The following PRSS55 variants were observed in gnomAD, a reference collection of about 807,000 sequenced individuals.
PRSS55 encodes the protein probable serine protease UNQ9391/PRO34284.
A neutral mutation model predicts 23.6 loss-of-function variants in PRSS55; 41 were observed. The observed-to-expected ratio is 1.74, with a 90% CI of 1.35 to 2.26. The LOEUF (loss-of-function observed/expected upper bound fraction) is 2.26, where lower values mean the gene tolerates loss of function less well. Ranked by LOEUF, PRSS55 falls within the 30% of genes most tolerant of loss-of-function variation. The pLI is 0.00. For synonymous variants in PRSS55, 262 were observed against 175.5 expected (o/e 1.49, Z -3.90); for missense variants, 669 against 439.1 (o/e 1.52, Z -4.68).
Position 10,538,622 on chromosome 8 carries a change from G to C in PRSS55, c.888G>C (p.Glu296Asp). ...TSLVNYNLWI[E>D]KVTQLEGRPF... ...TGGTGAACTACAACCTCTGGATCGA[G>C]AAAGTGACCCAGCTAGAGGGCAGGC... Residue 296 changes from glutamate (E) to aspartate (D), a missense_variant, in exon 5 of 5, where the codon GAG becomes GAC. Glu to Asp is a conservative substitution (Grantham distance 45). Transcript: ENST00000328655. The C allele has an allele frequency of 6.2e-7, 1 of 1,614,150 alleles. No individual in the cohort carries two copies. The highest frequency in any genetic ancestry group is 8.5e-7 in the Non-Finnish European group (1 of 1,180,022).
downstream of PRSS55, among the ~76,000 whole-genome samples, chr8:10,543,780 T>C (rs1812738789): frequency 6.6e-6 from 1 of 151,816 alleles, no homozygotes; most frequent in African/African-American, 2.4e-5. Flanking sequence ...CCATGTAAGC[T>C]CTTTTTACTC....
chr8:10,532,437 T>A (rs1362309049), intron 3 of PRSS55, among the ~76,000 whole-genome samples: 1 of 152,098 alleles, frequency 6.6e-6, no homozygotes, highest in Admixed American at 6.5e-5. Flanking sequence ...TCCCCTCTAA[T>A]CCCATCTCAA....
intron 3 of PRSS55, 37 bp downstream of exon 3, chr8:10,531,582 A>C: frequency 6.2e-7 from 1 of 1,607,852 alleles, no homozygotes; most frequent in Non-Finnish European, 8.5e-7. Context: ...GGAAAAAGCC[A>C]CTGCAATGTG....
chr8:10,539,889 T>C (rs547368289), downstream of PRSS55, among the ~76,000 whole-genome samples: 210 of 152,342 alleles, frequency 1.4e-3, no homozygotes, highest in African/African-American at 4.8e-3. Context: ...CAAAATCACC[T>C]TTTTTCCATT....
Position 10,538,525 on chromosome 8 carries a change from G to T in PRSS55, c.791G>T (p.Trp264Leu). 2 of 1,614,120 alleles carry T rather than the reference G, an allele frequency of 1.2e-6. No individual in the cohort carries two copies. The highest frequency in any genetic ancestry group is 1.7e-6 in the Non-Finnish European group (2 of 1,180,006). ...TGCACCCCAGAGCCTGGTGAGAAGTGGTACCAGGTGGGCATCATAAGCTGG... is the reference window on the plus strand; with the variant it reads ...TGCACCCCAGAGCCTGGTGAGAAGTTGTACCAGGTGGGCATCATAAGCTGG... The part of the protein sequence containing the change: ...LVCTPEPGEK[W>L]YQVGIISWGK... Residue 264 changes from tryptophan to leucine, a missense_variant, in exon 5 of 5, where the codon TGG (tryptophan) becomes TTG (leucine). By Grantham distance (61) the Trp-to-Leu change is moderately conservative. Transcript: ENST00000328655.
intron 4 of PRSS55, among the ~76,000 whole-genome samples, chr8:10,545,930 T>G (rs1812807009): frequency 6.6e-6 from 1 of 152,180 alleles, no homozygotes. Flanking sequence ...TTTGCTTGCG[T>G]GTGTGAATGC....
chr8:10,529,356 GC>G (rs1812158370), intron 1 of PRSS55, 150 bp from the exon 2 acceptor site: 1 of 753,328 alleles, frequency 1.3e-6, no homozygotes, highest in African/African-American at 1.7e-5. Flanking sequence ...CACAAGGGCT[GC>G]CCCGCTCGGC....
chr8:10,533,240 TCAA>T (rs1448407480), intron 4 of PRSS55, among the ~76,000 whole-genome samples, 192 bp downstream of exon 4: 1 of 152,124 alleles, frequency 6.6e-6, no homozygotes, highest in Non-Finnish European at 1.5e-5. Context: ...ACCCTGGGAG[TCAA>T]TATGCTGCAA....
intron 4 of PRSS55, among the ~76,000 whole-genome samples, chr8:10,550,572 T>C (rs114249259): frequency 0.021 from 3,186 of 152,178 alleles, 122 homozygotes; most frequent in African/African-American, 0.073. Context: ...CTGGAGAAAA[T>C]TGGAGCACAG....
At chr8:10,546,374 A>G (rs4240654) in intron 4 of PRSS55, among the ~76,000 whole-genome samples, 115,638 of 152,078 alleles carry the variant, frequency 0.76, 44,177 homozygotes, top group Middle Eastern at 0.81. Flanking sequence ...TATAACCCTC[A>G]GCGCTAGCCA....
At chr8:10,543,793 T>G (rs1812739451), downstream of PRSS55, among the ~76,000 whole-genome samples, 1 of 151,764 alleles carries the variant, frequency 6.6e-6, no homozygotes. Flanking sequence ...TTTTACTCAT[T>G]GATTATTTAA....
chr8:10,551,819 T>C (rs1029796972), intron 4 of PRSS55, among the ~76,000 whole-genome samples: 2 of 152,338 alleles, frequency 1.3e-5, no homozygotes, highest in Middle Eastern at 3.4e-3. Context: ...CTGTCCTCAC[T>C]GCAAAGCACC....
intron 4 of PRSS55, chr8:10,545,311 T>G (rs1330703642): frequency 6.6e-6 from 1 of 151,852 alleles, no homozygotes; most frequent in African/African-American, 2.4e-5. Flanking sequence ...GATCCTACTG[T>G]CTCAGCCTTT....
At chr8:10,552,708 C>T (rs114622305) in intron 4 of PRSS55, among the ~76,000 whole-genome samples, 1 of 152,174 alleles carries the variant, frequency 6.6e-6, no homozygotes, top group Admixed American at 6.5e-5. Flanking sequence ...CAAATTAATA[C>T]CACAAAGACA....
chr8:10,550,748 G>A (rs1228878157), intron 4 of PRSS55, among the ~76,000 whole-genome samples: 3 of 152,148 alleles, frequency 2.0e-5, no homozygotes, highest in African/African-American at 7.2e-5. Flanking sequence ...TGAAGATGTC[G>A]CTTTCCATTC....
intron 4 of PRSS55, among the ~76,000 whole-genome samples, chr8:10,537,071 G>A (rs1280473543): frequency 1.3e-5 from 2 of 152,106 alleles, no homozygotes; most frequent in Non-Finnish European, 2.9e-5. Context: ...AGGATGGAGG[G>A]TACTAAAAAA....
intron 2 of PRSS55, among the ~76,000 whole-genome samples, chr8:10,530,160 G>T (rs917984629): frequency 1.3e-5 from 2 of 152,204 alleles, no homozygotes; most frequent in Admixed American, 1.3e-4. Context: ...TATGTGCTGG[G>T]GACCCTGCTA....
downstream of PRSS55, among the ~76,000 whole-genome samples, chr8:10,543,212 A>G (rs1812709470): frequency 6.6e-6 from 1 of 152,064 alleles, no homozygotes; most frequent in Non-Finnish European, 1.5e-5. Flanking sequence ...GGACATGCAC[A>G]GGCTCTTTGA....
At chr8:10,546,084 G>C (rs145522984) in intron 4 of PRSS55, among the ~76,000 whole-genome samples, 2 of 152,210 alleles carry the variant, frequency 1.3e-5, no homozygotes, top group Admixed American at 6.5e-5. Flanking sequence ...GGCAGGGCTC[G>C]GTGTCACTTA....
Sources: gnomAD v4.1 joint callset for allele counts (sites outside exome capture counted in the v4.1 genomes callset) on GRCh38, gnomAD v4.1.1 for gene constraint, MANE v1.5 for transcripts, NCBI Gene and HGNC (gene_info 2026-07-23, HGNC 2026-07-21) for gene names.